DMC1: variants seen among roughly 807,000 people sequenced by gnomAD.
DMC1 encodes meiotic recombination protein DMC1 homolog.
Under a neutral mutation model 50.1 loss-of-function variants are expected in DMC1, and 27 were observed. That is an observed-to-expected ratio of 0.54 (90% CI 0.40 to 0.74). The LOEUF (loss-of-function observed/expected upper bound fraction) is 0.74, where lower values mean the gene tolerates loss of function less well. Among genes scored for constraint, DMC1 ranks in the 30% least tolerant of loss-of-function variants. The pLI, the probability that DMC1 is intolerant of heterozygous loss-of-function variation, is 0.00. For synonymous variants in DMC1, 148 were observed against 136.1 expected, an observed-to-expected ratio of 1.09 and a Z score of -0.61; for missense variants, 295 against 420.2, an observed-to-expected ratio of 0.70 and a Z score of 2.60.
intron 4 of DMC1, among the ~76,000 whole-genome samples, chr22:38,565,586 C>T (rs1032555051): frequency 5.3e-5 from 8 of 152,368 alleles, no homozygotes; most frequent in African/African-American, 1.9e-4. Flanking sequence ...TAGCCCTGCT[C>T]TGCAAGGAGC....
chr22:38,527,395 G>C (rs2090103823), intron 12 of DMC1, among the ~76,000 whole-genome samples: 2 of 151,846 alleles, frequency 1.3e-5, no homozygotes, highest in African/African-American at 4.8e-5. Context: ...AGTAGAGACA[G>C]AGATTCACCA....
Position 38,539,421 on chromosome 22 carries a change from T to G in DMC1, c.495-9A>C, listed in dbSNP as rs373877239. 5 of 1,612,294 alleles carry G rather than the reference T, an allele frequency of 3.1e-6. No individual in the cohort carries two copies. The South Asian group carries it at 5.5e-5, about 18-fold the overall frequency. On this transcript the variant is annotated splice_polypyrimidine_tract_variant and intron_variant, in intron 8 of 13. Coordinates refer to ENST00000216024, the MANE Select transcript of DMC1 (RefSeq NM_007068.4). ...TAAGGCGATCTGGACGGCTGGAGTA[T>G]GCCAAGATTAAGGATCCAATAAGTC... is the stretch of plus-strand genomic sequence containing the variant.
rs1368228732 is a variant in DMC1 at position 38,552,856 on chromosome 22, TA to T, written c.380-150del. On this transcript the variant is annotated intron_variant, in intron 6 of 13. Transcript: ENST00000216024. Reference sequence around the variant, plus strand: ...ATAAAGTATCTCGGATGTTATTTTTTATTTTTTTTTTGAGACAGAGTCTTGC... The same window carrying T: ...ATAAAGTATCTCGGATGTTATTTTTTTTTTTTTTTTGAGACAGAGTCTTGC... 82 of 639,716 alleles carry T rather than the reference TA, an allele frequency of 1.3e-4. No homozygotes were observed. In the African/African-American group the frequency reaches 1.4e-3, roughly 11 times the overall value. The allele number at this position is 639,716 out of a possible 1,614,324, so 39.6% of individuals were successfully genotyped here.
chr22:38,522,261 A>G (rs1222369877), intron 12 of DMC1, among the ~76,000 whole-genome samples: 1 of 150,830 alleles, frequency 6.6e-6, no homozygotes, highest in Non-Finnish European at 1.5e-5. Flanking sequence ...TGACTTTAAA[A>G]AATGAGATTA....
At chr22:38,535,859 C>T (rs924084608) in intron 12 of DMC1, among the ~76,000 whole-genome samples, 2 of 151,506 alleles carry the variant, frequency 1.3e-5, no homozygotes, top group Admixed American at 6.6e-5. Context: ...CCTCCCACCT[C>T]GGCCTCCCAA....
At chr22:38,534,153 T>C (rs373553445) in intron 12 of DMC1, among the ~76,000 whole-genome samples, 86 of 152,210 alleles carry the variant, frequency 5.7e-4, no homozygotes, top group African/African-American at 2.0e-3. Flanking sequence ...CTGAATTGAA[T>C]GCAAAACAAA....
chr22:38,539,618 T>C (rs1416985839), intron 8 of DMC1, among the ~76,000 whole-genome samples: 1 of 152,208 alleles, frequency 6.6e-6, no homozygotes, highest in Non-Finnish European at 1.5e-5. Flanking sequence ...GTAGTGATAA[T>C]GGTCATAGAA....
At chr22:38,520,915 C>T (rs1277927258) in intron 13 of DMC1, among the ~76,000 whole-genome samples, 9 of 146,092 alleles carry the variant, frequency 6.2e-5, no homozygotes, top group South Asian at 2.2e-4. Flanking sequence ...CTCACTCTGT[C>T]GCCCGGGCTG....
At chr22:38,515,490 A>G (rs1204919794), downstream of DMC1, among the ~76,000 whole-genome samples, 3 of 148,726 alleles carry the variant, frequency 2.0e-5, no homozygotes, top group South Asian at 2.2e-4. Context: ...AAAAAAAAAA[A>G]AGAAAGAAAA....
At chr22:38,518,845 T>C (rs1176742812), downstream of DMC1, 1 of 152,314 alleles carries the variant, frequency 6.6e-6, no homozygotes, top group Non-Finnish European at 1.5e-5. Flanking sequence ...GGAATTTTCA[T>C]GTAAGTTGAT....
At position 38,537,374 on chromosome 22, in the gene DMC1, C is replaced by T. The variant is rs144074077; in HGVS notation, c.836+218G>A. On this transcript the variant is annotated intron_variant, in intron 12 of 13. Coordinates refer to ENST00000216024, the MANE Select transcript of DMC1 (RefSeq NM_007068.4). ...GATTACAGGTGTGCGCCACCACACC[C>T]GGCTAATCTCTGTATTTTTAGTAGA... is the stretch of plus-strand genomic sequence containing the variant. Among the ~76,000 whole-genome samples, 324 of 152,094 alleles carry T rather than the reference C, an allele frequency of 2.1e-3. 11 individuals carry two copies. In the East Asian group the frequency reaches 0.059, roughly 27 times the overall value.
chr22:38,520,268 A>G (rs1038569681), intron 13 of DMC1, among the ~76,000 whole-genome samples, 179 bp from the exon 14 acceptor site: 4 of 152,224 alleles, frequency 2.6e-5, no homozygotes, highest in African/African-American at 9.6e-5. Flanking sequence ...ACAAACATTT[A>G]TTGAGCAACT....
downstream of DMC1, among the ~76,000 whole-genome samples, chr22:38,515,947 CAA>C (rs1244584556): frequency 6.6e-6 from 1 of 152,090 alleles, no homozygotes; most frequent in African/African-American, 2.4e-5. Context: ...GGCTTGCAAC[CAA>C]AAGAGTCCTA....
chr22:38,537,157 G>C (rs1025380633), intron 12 of DMC1, among the ~76,000 whole-genome samples: 3 of 151,816 alleles, frequency 2.0e-5, no homozygotes, highest in African/African-American at 7.3e-5. Flanking sequence ...CAGTAATAAA[G>C]TGATTTGTGA....
chr22:38,567,458 A>G (rs1398653178), intron 3 of DMC1, 125 bp downstream of exon 3: 8 of 816,854 alleles, frequency 9.8e-6, no homozygotes, highest in Non-Finnish European at 1.7e-5. Flanking sequence ...AGGATGTTGC[A>G]AACACCCTAC....
At chr22:38,515,324 C>CA (rs777265189), downstream of DMC1, among the ~76,000 whole-genome samples, 1 of 149,154 alleles carries the variant, frequency 6.7e-6, no homozygotes, top group Non-Finnish European at 1.5e-5. Flanking sequence ...ACTAAAAATA[C>CA]AAAAAATTAG....
At chr22:38,560,360 T>G (rs959457794) in intron 5 of DMC1, among the ~76,000 whole-genome samples, 1 of 152,086 alleles carries the variant, frequency 6.6e-6, no homozygotes, top group Non-Finnish European at 1.5e-5. Flanking sequence ...GGCTGGTACA[T>G]AGAAAACTAG....
chr22:38,515,377 G>A (rs1436315061), downstream of DMC1, among the ~76,000 whole-genome samples: 2 of 151,352 alleles, frequency 1.3e-5, no homozygotes, highest in Admixed American at 1.3e-4. Flanking sequence ...CTACTTGGGA[G>A]GCTGAAGCAG....
chr22:38,532,833 C>T (rs1395687393), intron 12 of DMC1, among the ~76,000 whole-genome samples: 1 of 151,862 alleles, frequency 6.6e-6, no homozygotes, highest in Non-Finnish European at 1.5e-5. Flanking sequence ...GACTTAGGCT[C>T]CTGGGCTCAA....
Sources: gnomAD v4.1 joint callset for allele counts (sites outside exome capture counted in the v4.1 genomes callset) on GRCh38, gnomAD v4.1.1 for gene constraint, MANE v1.5 for transcripts, NCBI Gene and HGNC (gene_info 2026-07-23, HGNC 2026-07-21) for gene names.